The following CRCP variants were observed in gnomAD, a reference collection of about 807,000 sequenced individuals.
CRCP encodes DNA-directed RNA polymerase III subunit RPC9.
Under a neutral mutation model 18.5 loss-of-function variants are expected in CRCP, and 18 were observed. The observed-to-expected ratio is 0.97, with a 90% CI of 0.67 to 1.44. The LOEUF is 1.44. CRCP is among the 40% of genes most tolerant of loss of function. CRCP has a pLI of 0.00. For missense variants in CRCP, 130 were observed against 176.4 expected (o/e 0.74, Z 1.49); for synonymous variants, 53 against 62.9 (o/e 0.84, Z 0.75).
At chr7:66,131,264 G>A (rs1302429192) in intron 3 of CRCP, among the ~76,000 whole-genome samples, 1 of 151,928 alleles carries the variant, frequency 6.6e-6, no homozygotes, top group African/African-American at 2.4e-5. Flanking sequence ...ATGAGCCACC[G>A]CGCCCAGCCT....
chr7:66,141,215 C>A lies in CRCP; in HGVS notation c.240-4228C>A, dbSNP rs1788126513. 3.3e-5 allele frequency among the ~76,000 whole-genome samples: 5 copies of A among 152,254 alleles called. No homozygotes were observed. In the East Asian group the frequency reaches 9.6e-4, roughly 29 times the overall value. Reference sequence around the variant, plus strand: ...TTGCAGCTCTTGTTATATTTGTGAGCATAACACATTCAGTTATACTCTTGT... The same window carrying A: ...TTGCAGCTCTTGTTATATTTGTGAGAATAACACATTCAGTTATACTCTTGT... On this transcript the variant is annotated intron_variant, in intron 4 of 5. Coordinates refer to ENST00000395326, the MANE Select transcript of CRCP (RefSeq NM_014478.5).
At chr7:66,151,039 G>A (rs1788442348) in intron 5 of CRCP, 1 of 152,306 alleles carries the variant, frequency 6.6e-6, no homozygotes, top group African/African-American at 2.4e-5. Context: ...TGTGCAACGT[G>A]GGGGACTGTG....
At chr7:66,139,332 T>C (rs533465935) in intron 4 of CRCP, among the ~76,000 whole-genome samples, 8 of 152,310 alleles carry the variant, frequency 5.3e-5, no homozygotes, top group African/African-American at 1.9e-4. Flanking sequence ...TTCCATTTGG[T>C]TATTTGTTAT....
chr7:66,122,955 CTTTTTT>C (rs199515487), intron 1 of CRCP, among the ~76,000 whole-genome samples: 2 of 118,758 alleles, frequency 1.7e-5, no homozygotes, highest in East Asian at 2.8e-4. Flanking sequence ...TTCTTTCTTT[CTTTTTT>C]TTTTTTTTTT....
At position 66,152,927 on chromosome 7, in the gene CRCP, T is replaced by C. The variant is rs1003913976; in HGVS notation, c.*570T>C. On this transcript the variant is annotated 3_prime_UTR_variant, in exon 6 of 6. Coordinates refer to ENST00000395326, the MANE Select transcript of CRCP (RefSeq NM_014478.5). ...CTTTTCTCTGCTGGCAGGGGCTTTG[T>C]TTACCAGCTCACTGTTTAGGCTAAA... 1 of 153,130 alleles carries C rather than the reference T, an allele frequency of 6.5e-6. No individual in the cohort carries two copies. Among genetic ancestry groups the C allele is most frequent in the African/African-American group, 2.4e-5 (1 of 41,454 alleles). The allele number at this position is 153,130 out of a possible 1,614,324, so 9.5% of individuals were successfully genotyped here.
intron 1 of CRCP, among the ~76,000 whole-genome samples, chr7:66,122,043 C>T (rs1416466111): frequency 1.3e-5 from 2 of 152,120 alleles, no homozygotes; most frequent in African/African-American, 2.4e-5. Context: ...CAATTATTTT[C>T]GTCATTGCCT....
intron 1 of CRCP, among the ~76,000 whole-genome samples, chr7:66,121,348 C>G (rs181804852): frequency 1.2e-3 from 183 of 151,880 alleles, no homozygotes; most frequent in African/African-American, 4.3e-3. Flanking sequence ...ACCGCGCTGG[C>G]CCAGAAATTT....
At chr7:66,149,537 A>G (rs79215701) in intron 5 of CRCP, among the ~76,000 whole-genome samples, 1,897 of 152,250 alleles carry the variant, frequency 0.012, 37 homozygotes, top group African/African-American at 0.042. Flanking sequence ...TAACCTGGAG[A>G]AAAGATGATC....
At chr7:66,144,813 T>G (rs754584247) in intron 4 of CRCP, among the ~76,000 whole-genome samples, 5 of 152,154 alleles carry the variant, frequency 3.3e-5, no homozygotes, top group Non-Finnish European at 5.9e-5. Context: ...TTCTATAATT[T>G]GGATGAAGAA....
chr7:66,130,196 C>T (rs1409899634), intron 2 of CRCP: 1 of 245,244 alleles, frequency 4.1e-6, no homozygotes, highest in South Asian at 3.8e-5. Flanking sequence ...ACCTCTGCCT[C>T]CCGGATTCAA....
intron 4 of CRCP, among the ~76,000 whole-genome samples, chr7:66,139,607 T>C (rs1291730607): frequency 1.3e-5 from 2 of 152,216 alleles, no homozygotes; most frequent in African/African-American, 2.4e-5. Flanking sequence ...TAGGAGGCTG[T>C]CAATCCAATT....
intron 5 of CRCP, among the ~76,000 whole-genome samples, chr7:66,147,071 G>T (rs926628790): frequency 7.2e-5 from 11 of 152,190 alleles, no homozygotes; most frequent in Admixed American, 5.2e-4. Flanking sequence ...GCCGGGCGCG[G>T]TGGCTCATGC....
At chr7:66,121,880 G>A (rs1562759019) in intron 1 of CRCP, among the ~76,000 whole-genome samples, 1 of 152,128 alleles carries the variant, frequency 6.6e-6, no homozygotes, top group Non-Finnish European at 1.5e-5. Context: ...TCAGTAACAG[G>A]ACTGGAAAGA....
intron 4 of CRCP, among the ~76,000 whole-genome samples, chr7:66,135,010 TA>T (rs1252995846): frequency 6.6e-6 from 1 of 150,550 alleles, no homozygotes; most frequent in Admixed American, 6.6e-5. Flanking sequence ...CCAGAAGCCA[TA>T]AATGATGCAA....
At chr7:66,147,253 C>T (rs972719773) in intron 5 of CRCP, among the ~76,000 whole-genome samples, 4 of 151,414 alleles carry the variant, frequency 2.6e-5, no homozygotes, top group African/African-American at 9.7e-5. Context: ...GAGGCAGAAT[C>T]ACTTGAACCC....
intron 4 of CRCP, among the ~76,000 whole-genome samples, chr7:66,137,513 C>A (rs1451213768): frequency 6.6e-6 from 1 of 152,206 alleles, no homozygotes. Flanking sequence ...AGCAGACATC[C>A]TCATCTTGTC....
intron 4 of CRCP, among the ~76,000 whole-genome samples, chr7:66,143,032 A>T (rs1463196837): frequency 6.6e-6 from 1 of 151,964 alleles, no homozygotes; most frequent in Non-Finnish European, 1.5e-5. Context: ...TAAATAATGT[A>T]TTTTTTTTCT....
chr7:66,121,309 C>G (rs1051452009), intron 1 of CRCP, among the ~76,000 whole-genome samples: 6 of 151,844 alleles, frequency 4.0e-5, no homozygotes, highest in African/African-American at 1.5e-4. Context: ...CCTCGGCCTC[C>G]GAAAGTGCTG....
chr7:66,140,682 C>T lies in CRCP; in HGVS notation c.240-4761C>T, dbSNP rs527608803. Among the ~76,000 whole-genome samples the T allele has an allele frequency of 3.9e-5, 6 of 152,306 alleles. No individual in the cohort carries two copies. In the East Asian group the frequency reaches 7.7e-4, roughly 20 times the overall value. ...CTGGGATTACAGGCATGAGTCACTG[C>T]GCCCGGCTGTGTCGAAATTTTTCAC... On this transcript the variant is annotated intron_variant, in intron 4 of 5. Transcript: ENST00000395326.
Sources: gnomAD v4.1 joint callset for allele counts (sites outside exome capture counted in the v4.1 genomes callset) on GRCh38, gnomAD v4.1.1 for gene constraint, MANE v1.5 for transcripts, NCBI Gene and HGNC (gene_info 2026-07-23, HGNC 2026-07-21) for gene names.